Variants in EIF2B5 observed in about 807,000 individuals in gnomAD.
The protein encoded by EIF2B5 is translation initiation factor eIF2B subunit epsilon.
Under a neutral mutation model 87.3 loss-of-function variants are expected in EIF2B5, and 38 were observed. The ratio of observed to expected loss-of-function variants is 0.44; its 90% CI spans 0.34 to 0.57. The LOEUF is 0.57. Ranked by LOEUF, EIF2B5 falls within the 20% of genes least tolerant of loss-of-function variation. EIF2B5 has a pLI of 0.02. For missense variants in EIF2B5, 784 were observed against 909.5 expected, an observed-to-expected ratio of 0.86 and a Z score of 1.78; for synonymous variants, 313 against 339.6, an observed-to-expected ratio of 0.92 and a Z score of 0.86.
rs1264438538 is a variant in EIF2B5 at position 184,135,548 on chromosome 3, C to G, written c.163C>G (p.Arg55Gly). Residue 55 changes from arginine to glycine, a missense_variant, in exon 1 of 16, where the codon CGC (arginine) becomes GGC (glycine). Transcript: ENST00000648915. ...AVLVADSFDR[R>G]FFPISKDQPR... ...TCTGGTGGCCGATAGCTTCGATCGC[C>G]GCTTCTTCCCCATCTCCAAGGACCA... 6.3e-7 allele frequency: 1 copy of G among 1,590,666 alleles called. No individual in the cohort carries two copies. The highest frequency in any genetic ancestry group is 1.7e-5 in the Admixed American group (1 of 57,304).
At chr3:184,140,039 A>G (rs759933622) in intron 5 of EIF2B5, 41 bp from the exon 6 acceptor site, 1 of 1,465,154 alleles carries the variant, frequency 6.8e-7, no homozygotes, top group Non-Finnish European at 9.5e-7. Context: ...AAAAAAAAAG[A>G]ATAGTACTTA....
chr3:184,145,017 G>A lies in EIF2B5; in HGVS notation c.*74G>A. Reference sequence around the variant, plus strand: ...CTGGGCTGGGACAAGTGAGGAACTAGCTGCAGAGGGATGAGTGACCACCAT... The same window carrying A: ...CTGGGCTGGGACAAGTGAGGAACTAACTGCAGAGGGATGAGTGACCACCAT... On this transcript the variant is annotated 3_prime_UTR_variant, in exon 16 of 16. Coordinates refer to ENST00000648915, the MANE Select transcript of EIF2B5 (RefSeq NM_003907.3). The surrounding 1 kb of genome is among the most constrained non-coding windows in gnomAD (Gnocchi z 4.0). 7.2e-7 allele frequency: 1 copy of A among 1,386,338 alleles called. No individual in the cohort carries two copies. The highest frequency in any genetic ancestry group is 1.2e-5 in the South Asian group (1 of 85,150). The allele number at this position is 1,386,338 out of a possible 1,614,324, so 85.9% of individuals were successfully genotyped here.
intron 1 of EIF2B5, 95 bp from the exon 2 acceptor site, chr3:184,136,517 T>A: frequency 6.6e-7 from 1 of 1,505,464 alleles, no homozygotes; most frequent in South Asian, 1.1e-5. Context: ...AAAATTACAC[T>A]GTTTGGAAAT....
intron 13 of EIF2B5, 86 bp from the exon 14 acceptor site, chr3:184,144,013 C>T: frequency 6.3e-7 from 1 of 1,588,542 alleles, no homozygotes; most frequent in Non-Finnish European, 8.6e-7. Flanking sequence ...TTTTGTCCAC[C>T]CATGTCATCA....
rs1172991865 is a variant in EIF2B5, at chr3:184,143,518, A to G, written c.1822A>G (p.Met608Val). ...HVVLEFPLQQ[M>V]DSPLDSSRYC... ...GGTCCTGGAGTTCCCCCTGCAACAG[A>G]TGGATTCCCCGCTTGACTCAAGCCG... is the stretch of plus-strand genomic sequence containing the variant. The change falls in exon 13 of 16, where the codon ATG (methionine) becomes GTG (valine). Residue 608 changes from methionine to valine, a missense_variant. Coordinates refer to ENST00000648915, the MANE Select transcript of EIF2B5 (RefSeq NM_003907.3). The G allele has an allele frequency of 1.2e-6, 2 of 1,614,134 alleles. No individual in the cohort carries two copies. The highest frequency in any genetic ancestry group is 1.1e-5 in the South Asian group (1 of 91,080).
rs751894882 is a variant in EIF2B5, at chr3:184,144,990, TC to T, written c.*49del. 2 of 1,588,800 alleles carry T rather than the reference TC, an allele frequency of 1.3e-6. No individual in the cohort carries two copies. The highest frequency in any genetic ancestry group is 1.7e-6 in the Non-Finnish European group (2 of 1,159,636). On this transcript the variant is annotated 3_prime_UTR_variant, in exon 16 of 16. Transcript: ENST00000648915. ...GGGTGTGATTGAGTGCCCTCCTGGC[TC>T]CTGGGCTGGGACAAGTGAGGAACTA...
In EIF2B5 at chr3:184,145,090, C is replaced by A. The variant is rs1364171589; in HGVS notation, c.*147C>A. ...AGAGGCTGGAACTACAGTATTCTTT[C>A]CCCTGCTAGCAACCATGTGCCTCCC... On this transcript the variant is annotated 3_prime_UTR_variant, in exon 16 of 16. Coordinates refer to ENST00000648915, the MANE Select transcript of EIF2B5 (RefSeq NM_003907.3). The surrounding 1 kb of genome is among the most constrained non-coding windows in gnomAD (Gnocchi z 4.0). 1 of 760,610 alleles carries A rather than the reference C, an allele frequency of 1.3e-6. No homozygotes were observed. Among genetic ancestry groups the A allele is most frequent in the South Asian group, 1.5e-5 (1 of 66,874 alleles). The allele number at this position is 760,610 out of a possible 1,614,324, so 47.1% of individuals were successfully genotyped here.
chr3:184,136,556 T>TG, intron 1 of EIF2B5, 56 bp from the exon 2 acceptor site: 1 of 1,610,586 alleles, frequency 6.2e-7, no homozygotes. Flanking sequence ...ATTGTTGCAG[T>TG]GGGGTACCCA....
chr3:184,140,589 C>T lies in EIF2B5; in HGVS notation c.1015C>T (p.Arg339Trp), dbSNP rs113994068. 5.6e-5 allele frequency: 91 copies of T among 1,614,110 alleles called. No homozygotes were observed. The highest frequency in any genetic ancestry group is 7.5e-5 in the Non-Finnish European group (88 of 1,180,058). ...DSTTQSCTHSRHNIYRGPEVS... is the reference protein window; with the variant it reads ...DSTTQSCTHSWHNIYRGPEVS... ...CACCACCCAGAGCTGCACTCATTCCCGGCACAACATCTACCGAGGGCCTGA... is the reference window on the plus strand; with the variant it reads ...CACCACCCAGAGCTGCACTCATTCCTGGCACAACATCTACCGAGGGCCTGA... The change falls in exon 7 of 16, where the codon CGG (arginine) becomes TGG (tryptophan). Residue 339 changes from arginine (R) to tryptophan (W), a missense_variant. By Grantham distance (101) the Arg-to-Trp change is moderately radical. Coordinates refer to ENST00000648915, the MANE Select transcript of EIF2B5 (RefSeq NM_003907.3).
chr3:184,145,061 G>C lies in EIF2B5; in HGVS notation c.*118G>C. 1.1e-6 allele frequency: 1 copy of C among 921,576 alleles called. No homozygotes were observed. The highest frequency in any genetic ancestry group is 1.7e-6 in the Non-Finnish European group (1 of 575,158). 57.1% of individuals were successfully genotyped at this position (921,576 alleles called of 1,614,324 possible). On this transcript the variant is annotated 3_prime_UTR_variant, in exon 16 of 16. Coordinates refer to ENST00000648915, the MANE Select transcript of EIF2B5 (RefSeq NM_003907.3). This position sits in a 1 kb window ranked among gnomAD's most constrained non-coding sequence, Gnocchi z 4.0. The stretch of plus-strand genomic sequence containing the variant: ...CCACCATCCAGGCTGAGACTGAAAG[G>C]AGCAGAGGCTGGAACTACAGTATTC...
intron 13 of EIF2B5, 196 bp from the exon 14 acceptor site, chr3:184,143,903 G>A: frequency 1.2e-6 from 1 of 862,352 alleles, no homozygotes; most frequent in Non-Finnish European, 1.9e-6. Context: ...TATAGCATCT[G>A]ATCCCCTTTC....
In EIF2B5 at chr3:184,142,291, C is replaced by G. The variant is rs750866320; in HGVS notation, c.1357C>G (p.Pro453Ala). ...LPEGSVISLH[P>A]PDAEEDEDDG... ...TGAGGGCTCGGTGATCTCTTTGCAC[C>G]CTCCAGATGCAGAGGAAGATGAAGA... The change falls in exon 9 of 16, where the codon CCT (proline) becomes GCT (alanine). Residue 453 changes from proline (P) to alanine (A), a missense_variant. This residue lies in a region of EIF2B5 where 660 missense variants were observed against 789.5 expected (regional missense o/e 0.84). Transcript: ENST00000648915. This position sits in a 1 kb window ranked among gnomAD's most constrained non-coding sequence, Gnocchi z 5.0. 3 of 1,613,890 alleles carry G rather than the reference C, an allele frequency of 1.9e-6. No individual in the cohort carries two copies. In the South Asian group the frequency reaches 3.3e-5, roughly 18 times the overall value.
At chr3:184,144,016 T>G in intron 13 of EIF2B5, 83 bp from the exon 14 acceptor site, 4 of 1,594,212 alleles carry the variant, frequency 2.5e-6, no homozygotes, top group Non-Finnish European at 3.4e-6. Flanking sequence ...TGTCCACCCA[T>G]GTCATCAGTA....
rs776089331 is a variant in EIF2B5 at position 184,142,642 on chromosome 3, C to T, written c.1546+39C>T. The T allele has an allele frequency of 3.8e-6, 6 of 1,592,728 alleles. No individual in the cohort carries two copies. Among genetic ancestry groups the T allele is most frequent in the South Asian group, 2.2e-5 (2 of 89,030 alleles). On this transcript the variant is annotated intron_variant, in intron 10 of 15. Transcript: ENST00000648915. This position sits in a 1 kb window ranked among gnomAD's most constrained non-coding sequence, Gnocchi z 5.0. Reference sequence around the variant, plus strand: ...GATGCCTGCCCTTCTCCTCCTGAATCGGAATATTTTGAAGGATAATGAATA... The same window carrying T: ...GATGCCTGCCCTTCTCCTCCTGAATTGGAATATTTTGAAGGATAATGAATA...
intron 5 of EIF2B5, 56 bp from the exon 6 acceptor site, chr3:184,140,024 A>G: frequency 9.6e-7 from 1 of 1,040,414 alleles, no homozygotes; most frequent in Non-Finnish European, 1.3e-6. Context: ...CTTGTCTCAA[A>G]AAAAAAAAAA....
chr3:184,143,306 A>G (rs991088910), intron 12 of EIF2B5, 136 bp from the exon 13 acceptor site: 3 of 1,518,482 alleles, frequency 2.0e-6, no homozygotes, highest in Non-Finnish European at 2.7e-6. Flanking sequence ...TAGCCTCAGC[A>G]TAGACTTTCT....
chr3:184,143,323 T>C, intron 12 of EIF2B5, 119 bp from the exon 13 acceptor site: 1 of 1,570,740 alleles, frequency 6.4e-7, no homozygotes, highest in Non-Finnish European at 8.7e-7. Flanking sequence ...TTCTCCTTCC[T>C]AAACCCTCCC....
At chr3:184,139,307 G>A (rs1218380116) in intron 5 of EIF2B5, among the ~76,000 whole-genome samples, 1 of 106,394 alleles carries the variant, frequency 9.4e-6, no homozygotes, top group Non-Finnish European at 1.8e-5. Context: ...TTGAGTCGGA[G>A]TTTCACTCTT....
chr3:184,139,677 T>C (rs971468020), intron 5 of EIF2B5, among the ~76,000 whole-genome samples: 2 of 151,282 alleles, frequency 1.3e-5, no homozygotes, highest in African/African-American at 2.4e-5. Flanking sequence ...TCAGCTGTCA[T>C]AGGGTTTGCT....
Sources: gnomAD v4.1 joint callset for allele counts (sites outside exome capture counted in the v4.1 genomes callset) on GRCh38, gnomAD v4.1.1 for gene constraint, gnomAD v4.1.1 regional missense constraint, Gnocchi (gnomAD v3.1) non-coding constraint, MANE v1.5 for transcripts, NCBI Gene and HGNC (gene_info 2026-07-23, HGNC 2026-07-21) for gene names.